The following ZNF317 variants were observed in gnomAD, a reference collection of about 807,000 sequenced individuals.
ZNF317 encodes zinc finger protein 317, also known as KRAB-containing zinc finger protein 317.
ZNF317 carries 17 observed loss-of-function variants against 23.4 expected under a neutral mutation model. The ratio of observed to expected loss-of-function variants is 0.73; its 90% confidence interval spans 0.50 to 1.09. The LOEUF (loss-of-function observed/expected upper bound fraction) is 1.09. Among genes scored for constraint, ZNF317 ranks in the 50% least tolerant of loss-of-function variants. The pLI is 0.00. For synonymous variants in ZNF317, 317 were observed against 314.9 expected (o/e 1.01, Z -0.07); for missense variants, 679 against 796.7 (o/e 0.85, Z 1.78).
rs761530036 is a variant in ZNF317, at chr19:9,156,697, C to A, written c.111C>A (p.Asp37Glu). 13 of 1,614,156 alleles carry A rather than the reference C, an allele frequency of 8.1e-6. No individual in the cohort carries two copies. Among genetic ancestry groups the A allele is most frequent in the South Asian group, 1.1e-5 (1 of 91,082 alleles). ...SKDHSCPQNL[D>E]LFVCSGLEPH... ...ACCATTCCTGTCCCCAGAATTTGGA[C>A]CTGTTCGTGTGCAGTGGTCTGGAGC... Residue 37 changes from aspartate (D) to glutamate (E), a missense_variant, in exon 3 of 7, where the codon GAC (aspartate) becomes GAA (glutamate). Physicochemically the swap from Asp to Glu is conservative, Grantham distance 45. Coordinates refer to ENST00000247956, the MANE Select transcript of ZNF317 (RefSeq NM_020933.5).
At chr19:9,144,311 A>G (rs1297163036) in intron 1 of ZNF317, among the ~76,000 whole-genome samples, 1 of 152,106 alleles carries the variant, frequency 6.6e-6, no homozygotes, top group African/African-American at 2.4e-5. Flanking sequence ...CTCTTATTGT[A>G]TTCTTATATT....
chr19:9,154,022 G>A (rs900235021), intron 1 of ZNF317, among the ~76,000 whole-genome samples: 2 of 152,130 alleles, frequency 1.3e-5, no homozygotes, highest in African/African-American at 2.4e-5. Context: ...CTAGCAGGGC[G>A]AGAAATGAGG....
At chr19:9,149,510 G>A (rs2050717935) in intron 1 of ZNF317, among the ~76,000 whole-genome samples, 1 of 151,958 alleles carries the variant, frequency 6.6e-6, no homozygotes. Context: ...TGCCAGATCA[G>A]GACAGGTAAA....
chr19:9,141,260 C>CA (rs1451425427), intron 1 of ZNF317, among the ~76,000 whole-genome samples: 4 of 151,742 alleles, frequency 2.6e-5, no homozygotes, highest in Non-Finnish European at 5.9e-5. Context: ...GACATACATG[C>CA]AAAAAAAGTA....
intron 4 of ZNF317, 195 bp from the exon 5 acceptor site, chr19:9,157,785 C>G: frequency 7.4e-7 from 1 of 1,343,526 alleles, no homozygotes. Context: ...CCATGCTTTG[C>G]CTGTGGTTTT....
intron 5 of ZNF317, among the ~76,000 whole-genome samples, 169 bp from the exon 6 acceptor site, chr19:9,158,657 T>C (rs1829484045): frequency 6.6e-6 from 1 of 152,130 alleles, no homozygotes; most frequent in Admixed American, 6.6e-5. Flanking sequence ...CTTAAATTTC[T>C]ACCCCTGGCA....
chr19:9,155,844 A>T (rs2050776665), intron 1 of ZNF317, 81 bp from the exon 2 acceptor site: 1 of 758,522 alleles, frequency 1.3e-6, no homozygotes, highest in East Asian at 2.7e-5. Flanking sequence ...AATGCCAAAA[A>T]ACAAAACTCA....
In ZNF317 at chr19:9,162,781, C is replaced by T. The variant is rs1209603222; in HGVS notation, c.*1348C>T. 1 of 152,196 alleles carries T rather than the reference C, an allele frequency of 6.6e-6. No homozygotes were observed. The highest frequency in any genetic ancestry group is 1.5e-5 in the Non-Finnish European group (1 of 68,040). The allele number at this position is 152,196 out of a possible 1,614,324, so 9.4% of individuals were successfully genotyped here. A position where few individuals can be genotyped will look rare whatever the true frequency, so the allele number is the denominator to read the frequency against. The stretch of plus-strand genomic sequence containing the variant: ...AACGTCCTAATTTCCTTCTGGACAA[C>T]CTCCTTGACCAATGGCATATTGAGA... On this transcript the variant is annotated 3_prime_UTR_variant, in exon 7 of 7. Coordinates refer to ENST00000247956, the MANE Select transcript of ZNF317 (RefSeq NM_020933.5).
chr19:9,158,373 T>C (rs1315103154), intron 5 of ZNF317, among the ~76,000 whole-genome samples: 13 of 124,094 alleles, frequency 1.0e-4, no homozygotes, highest in East Asian at 8.6e-4. Flanking sequence ...CTTTTTTTTT[T>C]TTTTTTTTTT....
chr19:9,142,804 T>C (rs1044357810), intron 1 of ZNF317, among the ~76,000 whole-genome samples: 1 of 42,706 alleles, frequency 2.3e-5, no homozygotes, highest in Non-Finnish European at 4.2e-5. Context: ...GGAAAGGACA[T>C]GTTACTATTT....
intron 1 of ZNF317, among the ~76,000 whole-genome samples, chr19:9,144,339 G>A (rs900921618): frequency 7.9e-5 from 12 of 152,072 alleles, no homozygotes; most frequent in African/African-American, 1.2e-4. Flanking sequence ...TCTCTTGTAC[G>A]TAGCATATAA....
chr19:9,156,978 C>A, intron 3 of ZNF317: 1 of 650,304 alleles, frequency 1.5e-6, no homozygotes, highest in Non-Finnish European at 2.6e-6. Flanking sequence ...CCTTGCTCAG[C>A]CCCAGAGACG....
At chr19:9,140,627 A>T (rs1443863703) in intron 1 of ZNF317, 35 bp downstream of exon 1, 1 of 454,894 alleles carries the variant, frequency 2.2e-6, no homozygotes, top group East Asian at 7.0e-5. Flanking sequence ...TCTCCCCCTC[A>T]GTTCCAGGGG....
intron 1 of ZNF317, among the ~76,000 whole-genome samples, chr19:9,145,993 T>C (rs1423126823): frequency 1.3e-5 from 2 of 152,104 alleles, no homozygotes; most frequent in African/African-American, 4.8e-5. Context: ...ATTATTATTA[T>C]TATTATTATT....
rs200591339 is a variant in ZNF317 at position 9,158,363 on chromosome 19, CTTTTTTTTTT to C, written c.385+307_385+316del. On this transcript the variant is annotated intron_variant, in intron 5 of 6. Transcript: ENST00000247956. ...CTGAATTGCCTTAAATTTCTTTTTT[CTTTTTTTTTT>C]TTTTTTTTTTTTTTTTTTGACGGAG... Among the ~76,000 whole-genome samples, 31 of 76,532 alleles carry C rather than the reference CTTTTTTTTTT, an allele frequency of 4.1e-4. No individual in the cohort carries two copies. In the East Asian group the frequency reaches 5.5e-3, roughly 14 times the overall value. 50.2% of individuals were successfully genotyped at this position (76,532 alleles called of 152,430 possible). A position where few individuals can be genotyped will look rare whatever the true frequency, so the allele number is the denominator to read the frequency against.
At chr19:9,159,558 T>G (rs1307739307) in intron 6 of ZNF317, among the ~76,000 whole-genome samples, 1 of 148,600 alleles carries the variant, frequency 6.7e-6, no homozygotes, top group African/African-American at 2.6e-5. Flanking sequence ...TTTTGTTTTT[T>G]TTTTTGAGGC....
Position 9,160,352 on chromosome 19 carries a change from C to T in ZNF317, c.707C>T (p.Ser236Phe), listed in dbSNP as rs1364778615. 6.2e-7 allele frequency: 1 copy of T among 1,614,182 alleles called. No individual in the cohort carries two copies. The highest frequency in any genetic ancestry group is 2.2e-5 in the East Asian group (1 of 44,868). The change falls in exon 7 of 7, where the codon TCC becomes TTC. Residue 236 changes from serine (S) to phenylalanine (F), a missense_variant. Physicochemically the swap from Ser to Phe is radical, Grantham distance 155. Coordinates refer to ENST00000247956, the MANE Select transcript of ZNF317 (RefSeq NM_020933.5). This position sits in a 1 kb window ranked among gnomAD's most constrained non-coding sequence, Gnocchi z 6.8. ...CAAAAAGCCTTCACCACGAGCGCGT[C>T]CCTCACACGGCACAGGAGAATCCAC... ...QCQKAFTTSA[S>F]LTRHRRIHTG... is the part of the protein sequence containing the mutation.
At chr19:9,157,105 G>A in intron 3 of ZNF317, 163 bp from the exon 4 acceptor site, 1 of 821,212 alleles carries the variant, frequency 1.2e-6, no homozygotes, top group South Asian at 1.8e-5. Flanking sequence ...TGGGGAGAGA[G>A]GATGTCTGAG....
intron 1 of ZNF317, among the ~76,000 whole-genome samples, chr19:9,148,342 G>A (rs761879099): frequency 1.3e-5 from 2 of 152,184 alleles, no homozygotes; most frequent in African/African-American, 4.8e-5. Context: ...GCAAAACATC[G>A]ACAAGGTTCC....
Sources: gnomAD v4.1 joint callset for allele counts (sites outside exome capture counted in the v4.1 genomes callset) on GRCh38, gnomAD v4.1.1 for gene constraint, Gnocchi (gnomAD v3.1) non-coding constraint, MANE v1.5 for transcripts, NCBI Gene and HGNC (gene_info 2026-07-23, HGNC 2026-07-21) for gene names.